Variants in GNA14 observed in about 807,000 individuals in gnomAD.
GNA14 encodes the protein G protein subunit alpha 14.
GNA14 carries 50 observed loss-of-function variants against 42.0 expected under a neutral mutation model. The observed-to-expected ratio is 1.19, with a 90% CI of 0.95 to 1.51. GNA14 has a LOEUF of 1.51. Among genes scored for constraint, GNA14 ranks in the 40% most tolerant of loss-of-function variants. The pLI is 0.00. For missense variants in GNA14, 473 were observed against 446.2 expected, an observed-to-expected ratio of 1.06 and a Z score of -0.54; for synonymous variants, 173 against 163.1, an observed-to-expected ratio of 1.06 and a Z score of -0.46.
At chr9:77,641,109 G>A (rs981738146) in intron 1 of GNA14, among the ~76,000 whole-genome samples, 2 of 5,258 alleles carry the variant, frequency 3.8e-4, no homozygotes, top group African/African-American at 1.4e-3. Context: ...GGGAAGGAAG[G>A]AAGGAAGGAA....
chr9:77,551,099 T>C (rs1035140918), intron 1 of GNA14, among the ~76,000 whole-genome samples: 1 of 152,188 alleles, frequency 6.6e-6, no homozygotes, highest in Non-Finnish European at 1.5e-5. Flanking sequence ...AGGGAAAATT[T>C]TCAACCTTTT....
chr9:77,579,160 G>A (rs1171362759), intron 1 of GNA14, among the ~76,000 whole-genome samples: 1 of 152,168 alleles, frequency 6.6e-6, no homozygotes, highest in Non-Finnish European at 1.5e-5. Context: ...TGGAATACTG[G>A]AGCATGTGAC....
intron 1 of GNA14, among the ~76,000 whole-genome samples, chr9:77,639,498 C>A (rs963533777): frequency 6.6e-6 from 1 of 152,246 alleles, no homozygotes; most frequent in Non-Finnish European, 1.5e-5. Context: ...CTGTGTCACA[C>A]TGCCTCCCCC....
At chr9:77,442,201 G>A (rs1587763260) in intron 2 of GNA14, among the ~76,000 whole-genome samples, 3 of 152,080 alleles carry the variant, frequency 2.0e-5, no homozygotes, top group East Asian at 3.9e-4. Flanking sequence ...GCAAAACCCC[G>A]TCTCTACTAA....
chr9:77,553,465 T>G (rs998600885), intron 1 of GNA14, among the ~76,000 whole-genome samples: 5 of 152,148 alleles, frequency 3.3e-5, no homozygotes, highest in Non-Finnish European at 7.3e-5. Context: ...AATGATCAGT[T>G]TTTTTTAAAA....
intron 1 of GNA14, among the ~76,000 whole-genome samples, chr9:77,570,174 T>C (rs1197243705): frequency 6.6e-6 from 1 of 152,012 alleles, no homozygotes. Flanking sequence ...CAAATAAATA[T>C]ATATTAACTT....
intron 1 of GNA14, among the ~76,000 whole-genome samples, chr9:77,571,905 T>C (rs1315598218): frequency 6.6e-6 from 1 of 152,218 alleles, no homozygotes. Flanking sequence ...TAAACATATA[T>C]TACTAAAATT....
At chr9:77,486,826 C>T (rs1836668212) in intron 2 of GNA14, among the ~76,000 whole-genome samples, 1 of 151,888 alleles carries the variant, frequency 6.6e-6, no homozygotes, top group Admixed American at 6.6e-5. Context: ...GTGGTGCCCC[C>T]AAATAATTAC....
rs1243834541 is a variant in GNA14, at chr9:77,647,666, T to A, written c.124+4A>T. On this transcript the variant is annotated splice_donor_region_variant and intron_variant, in intron 1 of 6. Coordinates refer to ENST00000341700, the MANE Select transcript of GNA14 (RefSeq NM_004297.4). ...TCACTGGAGTCGGAGACGCAGCCAC[T>A]CACCCAGCAGCAGCAGCTTAAGCTC... 1 of 1,608,228 alleles carries A rather than the reference T, an allele frequency of 6.2e-7. No individual in the cohort carries two copies. Among genetic ancestry groups the A allele is most frequent in the Admixed American group, 1.7e-5 (1 of 59,338 alleles).
At chr9:77,432,535 C>T (rs1835574304) in intron 3 of GNA14, among the ~76,000 whole-genome samples, 1 of 152,076 alleles carries the variant, frequency 6.6e-6, no homozygotes. Context: ...GCATCACAAG[C>T]ACTCATCACA....
intron 1 of GNA14, among the ~76,000 whole-genome samples, chr9:77,588,547 G>C (rs1262581083): frequency 6.6e-6 from 1 of 152,156 alleles, no homozygotes; most frequent in African/African-American, 2.4e-5. Flanking sequence ...GAGTCACGGG[G>C]TGAGAAGAGA....
intron 3 of GNA14, among the ~76,000 whole-genome samples, chr9:77,432,525 G>A (rs922253231): frequency 2.0e-5 from 3 of 152,246 alleles, no homozygotes; most frequent in Non-Finnish European, 2.9e-5. Flanking sequence ...AGTGCCTGGC[G>A]CATCACAAGC....
intron 6 of GNA14, among the ~76,000 whole-genome samples, chr9:77,425,148 A>G (rs1482014553): frequency 6.6e-6 from 1 of 152,080 alleles, no homozygotes; most frequent in Admixed American, 6.5e-5. Context: ...CTGGGAAGAG[A>G]GCTGAGTGAG....
chr9:77,467,051 T>C lies in GNA14; in HGVS notation c.310-32529A>G, dbSNP rs181866513. The stretch of plus-strand genomic sequence containing the variant: ...TGTGTGTGTGTGTCTTGGAGACTGC[T>C]TTCACATTTCAGGGAGTTTACAGTT... On this transcript the variant is annotated intron_variant, in intron 2 of 6. Coordinates refer to ENST00000341700, the MANE Select transcript of GNA14 (RefSeq NM_004297.4). Among the ~76,000 whole-genome samples, 453 of 147,634 alleles carry C rather than the reference T, an allele frequency of 3.1e-3. 2 individuals carry two copies. The highest frequency in any genetic ancestry group is 9.9e-3 in the African/African-American group (393 of 39,644).
intron 1 of GNA14, among the ~76,000 whole-genome samples, chr9:77,534,302 C>T (rs1837567604): frequency 6.6e-6 from 1 of 152,204 alleles, no homozygotes; most frequent in African/African-American, 2.4e-5. Flanking sequence ...TTCCGAAATT[C>T]TACCCATGAA....
At chr9:77,447,366 T>C (rs1835838472) in intron 2 of GNA14, among the ~76,000 whole-genome samples, 2 of 152,196 alleles carry the variant, frequency 1.3e-5, no homozygotes, top group African/African-American at 2.4e-5. Context: ...CTGCTTCTTA[T>C]ACATAAACTT....
At chr9:77,610,238 C>T (rs2117942396) in intron 1 of GNA14, among the ~76,000 whole-genome samples, 1 of 152,290 alleles carries the variant, frequency 6.6e-6, no homozygotes, top group South Asian at 2.1e-4. Context: ...CCCCACCTCC[C>T]TCTCCCCTAT....
At chr9:77,424,442 C>G (rs552026754) in intron 6 of GNA14, among the ~76,000 whole-genome samples, 1 of 152,268 alleles carries the variant, frequency 6.6e-6, no homozygotes, top group African/African-American at 2.4e-5. Flanking sequence ...AGACTGGTCT[C>G]GAACTCCTGA....
intron 2 of GNA14, among the ~76,000 whole-genome samples, chr9:77,485,905 G>A (rs540061032): frequency 2.8e-4 from 43 of 152,162 alleles, no homozygotes; most frequent in Non-Finnish European, 5.1e-4. Context: ...ATAGAGCACA[G>A]GTAGAGTAGA....
Sources: gnomAD v4.1 joint callset for allele counts (sites outside exome capture counted in the v4.1 genomes callset) on GRCh38, gnomAD v4.1.1 for gene constraint, MANE v1.5 for transcripts, NCBI Gene and HGNC (gene_info 2026-07-23, HGNC 2026-07-21) for gene names.